Variants in ZNF341 observed in about 807,000 individuals in gnomAD.
ZNF341 encodes zinc finger protein 341.
A neutral mutation model predicts 87.7 loss-of-function variants in ZNF341; 52 were observed. The ratio of observed to expected loss-of-function variants is 0.59; its 90% confidence interval spans 0.47 to 0.75. The LOEUF is 0.75. ZNF341 is among the 30% of genes least tolerant of loss of function. ZNF341 has a pLI of 0.00. For synonymous variants in ZNF341, 459 were observed against 472.7 expected (o/e 0.97, Z 0.38); for missense variants, 977 against 1,145.9 (o/e 0.85, Z 2.13).
chr20:33,782,099 T>C (rs1351427091), intron 11 of ZNF341, among the ~76,000 whole-genome samples: 1 of 152,194 alleles, frequency 6.6e-6, no homozygotes, highest in Non-Finnish European at 1.5e-5. Flanking sequence ...TGAGCCATCA[T>C]GCCCAGCCTG....
intron 10 of ZNF341, among the ~76,000 whole-genome samples, chr20:33,772,747 G>T (rs760221846): frequency 1.3e-5 from 2 of 152,118 alleles, no homozygotes; most frequent in Admixed American, 6.6e-5. Context: ...AGTGGAAGCG[G>T]GAGGGAGATG....
At chr20:33,746,536 G>C (rs542257434) in intron 3 of ZNF341, among the ~76,000 whole-genome samples, 1 of 152,040 alleles carries the variant, frequency 6.6e-6, no homozygotes, top group East Asian at 1.9e-4. Context: ...CCAGCCGCTG[G>C]GGCTTTTACT....
intron 3 of ZNF341, 152 bp from the exon 4 acceptor site, chr20:33,748,771 C>A: frequency 1.4e-6 from 1 of 691,418 alleles, no homozygotes; most frequent in East Asian, 2.9e-5. Context: ...ATGGAATCCA[C>A]GTCTGTGGGA....
At chr20:33,760,250 A>C (rs565481592) in intron 7 of ZNF341, among the ~76,000 whole-genome samples, 23 of 152,206 alleles carry the variant, frequency 1.5e-4, no homozygotes, top group African/African-American at 5.5e-4. Flanking sequence ...TAAAAATACA[A>C]AAATTAGTTG....
Position 33,770,309 on chromosome 20 carries a change from T to G in ZNF341, c.1622+17T>G, listed in dbSNP as rs1351501366. On this transcript the variant is annotated intron_variant, in intron 10 of 14. Coordinates refer to ENST00000375200, the MANE Select transcript of ZNF341 (RefSeq NM_001282933.2). ...CGTCTACAAGTAAGTGCCTCCTGCTTCCCTCTCCCTGGGTGGACGGGTGGG... is the reference window on the plus strand; with the variant it reads ...CGTCTACAAGTAAGTGCCTCCTGCTGCCCTCTCCCTGGGTGGACGGGTGGG... 4.7e-6 allele frequency: 2 copies of G among 427,146 alleles called. No individual in the cohort carries two copies. Among genetic ancestry groups the G allele is most frequent in the South Asian group, 3.8e-5 (2 of 52,106 alleles). The allele number at this position is 427,146 out of a possible 1,614,324, so 26.5% of individuals were successfully genotyped here.
At position 33,732,406 on chromosome 20, in the gene ZNF341, T is replaced by A. The variant is rs542641145; in HGVS notation, c.31+354T>A. On this transcript the variant is annotated intron_variant, in intron 1 of 14. Transcript: ENST00000375200. This position sits in a 1 kb window ranked among gnomAD's most constrained non-coding sequence, Gnocchi z 4.5. Reference sequence around the variant, plus strand: ...AACAGCCGCGGCCAGGGAGGCGGCTTGGCGGCGCGCGGGGCCCGGGACGGG... The same window carrying A: ...AACAGCCGCGGCCAGGGAGGCGGCTAGGCGGCGCGCGGGGCCCGGGACGGG... Among the ~76,000 whole-genome samples the A allele has an allele frequency of 8.6e-5, 13 of 151,496 alleles. No homozygotes were observed. In the East Asian group the frequency reaches 2.5e-3, roughly 29 times the overall value.
At chr20:33,752,362 A>G (rs1010916757) in intron 4 of ZNF341, 3 of 627,266 alleles carry the variant, frequency 4.8e-6, no homozygotes, top group Admixed American at 3.7e-5. Flanking sequence ...CAATGCACAC[A>G]TCTGGAGTTC....
intron 8 of ZNF341, among the ~76,000 whole-genome samples, chr20:33,762,499 G>C (rs2019315067): frequency 6.6e-6 from 1 of 151,806 alleles, no homozygotes; most frequent in Non-Finnish European, 1.5e-5. Context: ...AATAAATAGG[G>C]GATAAAAGAA....
intron 10 of ZNF341, 43 bp downstream of exon 10, chr20:33,770,335 T>TGGTGGGGGGGGGG: frequency 2.6e-6 from 1 of 380,186 alleles, no homozygotes; most frequent in Non-Finnish European, 5.4e-6. Flanking sequence ...GACGGGTGGG[T>TGGTGGGGGGGGGG]GGGCAGGGAG....
At chr20:33,778,085 G>A (rs914113126) in intron 10 of ZNF341, among the ~76,000 whole-genome samples, 1 of 152,092 alleles carries the variant, frequency 6.6e-6, no homozygotes, top group Admixed American at 6.6e-5. Context: ...CTTAATTCAG[G>A]TGCTGTTTCT....
Position 33,764,786 on chromosome 20 carries a change from T to C in ZNF341, c.1223-2065T>C, listed in dbSNP as rs71349733. ...AGCAGGTATATACACTTATAGCACATCTGGATATGGACTGGACACATTTCT... is the reference window on the plus strand; with the variant it reads ...AGCAGGTATATACACTTATAGCACACCTGGATATGGACTGGACACATTTCT... On this transcript the variant is annotated intron_variant, in intron 8 of 14. Transcript: ENST00000375200. Among the ~76,000 whole-genome samples, 548 of 151,632 alleles carry C rather than the reference T, an allele frequency of 3.6e-3. 5 individuals are homozygous for C. The highest frequency in any genetic ancestry group is 3.3e-3 in the Non-Finnish European group (221 of 67,946).
rs1185692297 is a variant in ZNF341, at chr20:33,791,555, C to T, written c.*38C>T. On this transcript the variant is annotated 3_prime_UTR_variant, in exon 15 of 15. Transcript: ENST00000375200. Reference sequence around the variant, plus strand: ...GTCTGTTTCCTGGGCAGGCCTGATGCTCCTGTTTGGGTCCAGGGCCCCTGG... The same window carrying T: ...GTCTGTTTCCTGGGCAGGCCTGATGTTCCTGTTTGGGTCCAGGGCCCCTGG... 3 of 1,504,346 alleles carry T rather than the reference C, an allele frequency of 2.0e-6. No individual in the cohort carries two copies. Among genetic ancestry groups the T allele is most frequent in the South Asian group, 2.6e-5 (2 of 78,256 alleles). The allele number at this position is 1,504,346 out of a possible 1,614,324, so 93.2% of individuals were successfully genotyped here. A position where few individuals can be genotyped will look rare whatever the true frequency, so the allele number is the denominator to read the frequency against.
At chr20:33,747,594 G>A (rs1231054527) in intron 3 of ZNF341, among the ~76,000 whole-genome samples, 5 of 94,528 alleles carry the variant, frequency 5.3e-5, no homozygotes, top group Admixed American at 1.6e-4. Context: ...CAGCCTGGGC[G>A]ACAGAGCGAG....
intron 1 of ZNF341, among the ~76,000 whole-genome samples, chr20:33,736,201 T>TCTA (rs2122624402): frequency 6.7e-6 from 1 of 149,140 alleles, no homozygotes; most frequent in East Asian, 2.0e-4. Flanking sequence ...CTCTATCTCC[T>TCTA]CTACTACCTT....
At chr20:33,782,998 A>G (rs1034844401) in intron 11 of ZNF341, among the ~76,000 whole-genome samples, 1 of 152,056 alleles carries the variant, frequency 6.6e-6, no homozygotes, top group African/African-American at 2.4e-5. Flanking sequence ...TCTACTAAAA[A>G]TAAAAATTAG....
chr20:33,778,641 T>C (rs2019673957), intron 10 of ZNF341, among the ~76,000 whole-genome samples: 1 of 152,106 alleles, frequency 6.6e-6, no homozygotes, highest in Non-Finnish European at 1.5e-5. Flanking sequence ...GCCTGGCTAG[T>C]GTGTAGTTTC....
intron 10 of ZNF341, 27 bp downstream of exon 10, chr20:33,770,319 T>C (rs899499374): frequency 5.1e-6 from 2 of 389,136 alleles, no homozygotes. Context: ...TCCCTCTCCC[T>C]GGGTGGACGG....
In ZNF341 at chr20:33,755,135, G is replaced by A. The variant is rs557705832; in HGVS notation, c.741+1712G>A. On this transcript the variant is annotated intron_variant, in intron 5 of 14. Transcript: ENST00000375200. ...TTTTTTTTGTATTTTTAGTAGAAAC[G>A]GGTTTCACCATGATGGCCAGGCTGG... is the stretch of plus-strand genomic sequence containing the variant. Among the ~76,000 whole-genome samples the A allele has an allele frequency of 5.9e-5, 9 of 152,152 alleles. No homozygotes were observed. In the East Asian group the frequency reaches 1.2e-3, roughly 20 times the overall value.
intron 8 of ZNF341, 26 bp from the exon 9 acceptor site, chr20:33,766,825 C>G (rs1163324569): frequency 1.3e-6 from 2 of 1,581,834 alleles, no homozygotes; most frequent in East Asian, 2.2e-5. Context: ...GGCTCCTTGT[C>G]CTGACTTCCC....
Sources: allele counts gnomAD v4.1 joint callset (sites outside exome capture counted in the v4.1 genomes callset), GRCh38; gene constraint gnomAD v4.1.1; non-coding constraint Gnocchi (gnomAD v3.1); transcripts MANE v1.5; gene names NCBI Gene and HGNC (gene_info 2026-07-23, HGNC 2026-07-21).